Variants in BIRC7 observed in about 807,000 individuals in gnomAD.
The protein encoded by BIRC7 is baculoviral IAP repeat containing 7, also known as baculoviral IAP repeat-containing protein 7.
A neutral mutation model predicts 33.2 loss-of-function variants in BIRC7; 26 were observed. The observed-to-expected ratio is 0.78, with a 90% CI of 0.57 to 1.09. BIRC7 has a LOEUF of 1.09. Ranked by LOEUF, BIRC7 falls within the 50% of genes least tolerant of loss-of-function variation. The probability of loss-of-function intolerance (pLI) is 0.00; values close to 1 mark genes in which losing one functional copy is unlikely to be tolerated. For synonymous variants in BIRC7, 176 were observed against 171.0 expected, an observed-to-expected ratio of 1.03 and a Z score of -0.23; for missense variants, 409 against 401.2, an observed-to-expected ratio of 1.02 and a Z score of -0.17.
In BIRC7 at chr20:63,236,039, A is replaced by G. The variant is rs747161390; in HGVS notation, c.-58A>G. On this transcript the variant is annotated 5_prime_UTR_variant, in exon 1 of 7. Transcript: ENST00000217169. Reference sequence around the variant, plus strand: ...AGAAGGGCCAGCTGGGCATATTCTGAGATTGGCCATCAGCCCCCATTTCTG... The same window carrying G: ...AGAAGGGCCAGCTGGGCATATTCTGGGATTGGCCATCAGCCCCCATTTCTG... The G allele has an allele frequency of 1.0e-5, 15 of 1,468,750 alleles. 1 individual carries two copies. The South Asian group carries it at 2.1e-4, about 20-fold the overall frequency. The allele number at this position is 1,468,750 out of a possible 1,614,324, so 91.0% of individuals were successfully genotyped here.
At chr20:63,238,742 G>T (rs754550586) in intron 4 of BIRC7, 128 bp downstream of exon 4, 6 of 1,352,536 alleles carry the variant, frequency 4.4e-6, no homozygotes, top group Middle Eastern at 3.7e-4. Flanking sequence ...GTGTGACGCT[G>T]CTGCCTGGGT....
Position 63,238,381 on chromosome 20 carries a change from C to T in BIRC7, c.450-15C>T, listed in dbSNP as rs765252456. 309 of 1,611,264 alleles carry T rather than the reference C, an allele frequency of 1.9e-4. No individual in the cohort carries two copies. The highest frequency in any genetic ancestry group is 2.5e-4 in the Non-Finnish European group (300 of 1,179,888). On this transcript the variant is annotated splice_polypyrimidine_tract_variant and intron_variant, in intron 2 of 6. Transcript: ENST00000217169. ...GGGCCCTGAACCCCAACCTACATCT[C>T]TGGGGCATCTGCAGCTGTCAGTTCC...
chr20:63,239,732 C>A, intron 6 of BIRC7, 122 bp downstream of exon 6: 1 of 1,328,012 alleles, frequency 7.5e-7, no homozygotes, highest in Non-Finnish European at 1.0e-6. Flanking sequence ...TTGTTTTTAC[C>A]CGGCTCCCAG....
At chr20:63,238,112 G>A in intron 2 of BIRC7, 110 bp downstream of exon 2, 1 of 1,091,228 alleles carries the variant, frequency 9.2e-7, no homozygotes, top group African/African-American at 1.6e-5. Context: ...GCCCCACAGG[G>A]CACTGGGGAG....
Position 63,236,003 on chromosome 20 carries a change from T to G in BIRC7, c.-94T>G. ...CTGTCCCCAGGGTGGGCCCCGGGGGTCAGGAGCTCCAGAAGGGCCAGCTGG... is the reference window on the plus strand; with the variant it reads ...CTGTCCCCAGGGTGGGCCCCGGGGGGCAGGAGCTCCAGAAGGGCCAGCTGG... On this transcript the variant is annotated 5_prime_UTR_variant, in exon 1 of 7. Transcript: ENST00000217169. 1 of 1,420,884 alleles carries G rather than the reference T, an allele frequency of 7.0e-7. No individual in the cohort carries two copies. The highest frequency in any genetic ancestry group is 9.4e-7 in the Non-Finnish European group (1 of 1,068,916). The allele number at this position is 1,420,884 out of a possible 1,614,324, so 88.0% of individuals were successfully genotyped here.
Position 63,236,224 on chromosome 20 carries a change from A to T in BIRC7, c.128A>T (p.Asp43Val), listed in dbSNP as rs1297712817. 8.8e-6 allele frequency: 14 copies of T among 1,592,004 alleles called. No homozygotes were observed. Among genetic ancestry groups the T allele is most frequent in the Non-Finnish European group, 4.3e-6 (5 of 1,168,714 alleles). ...CTGGGCAGCCCTGTCCTAGGCCTGG[A>T]CACCTGCAGAGCCTGGGACCACGTG... ...RSLGSPVLGLDTCRAWDHVDG... is the reference protein window; with the variant it reads ...RSLGSPVLGLVTCRAWDHVDG... The change falls in exon 1 of 7, where the codon GAC becomes GTC. Residue 43 changes from aspartate (D) to valine (V), a missense_variant. Transcript: ENST00000217169.
At position 63,236,134 on chromosome 20, in the gene BIRC7, G is replaced by A; in HGVS notation, c.38G>A (p.Gly13Glu). Residue 13 changes from glycine (G) to glutamate (E), a missense_variant, in exon 1 of 7, where the codon GGA becomes GAA. Transcript: ENST00000217169. The part of the protein sequence containing the change: ...PKDSAKCLHR[G>E]PQPSHWAAGD... ...GACAGTGCCAAGTGCCTGCACCGTG[G>A]ACCACAGCCGAGCCACTGGGCAGCC... 1.3e-6 allele frequency: 2 copies of A among 1,579,114 alleles called. No individual in the cohort carries two copies. Among genetic ancestry groups the A allele is most frequent in the Non-Finnish European group, 1.7e-6 (2 of 1,161,812 alleles).
intron 4 of BIRC7, chr20:63,238,845 C>T (rs2066709576): frequency 4.6e-6 from 3 of 654,738 alleles, no homozygotes; most frequent in Non-Finnish European, 7.8e-6. Flanking sequence ...TCCCAGCTTA[C>T]CCCTTGGGCA....
Position 63,239,003 on chromosome 20 carries a change from T to C in BIRC7, c.578-159T>C, listed in dbSNP as rs531953567. ...TCCAGGAAGCCTCTGGATCCTGTTATGCTGTGGGAGGGGTGGGAAGAAGTG... is the reference window on the plus strand; with the variant it reads ...TCCAGGAAGCCTCTGGATCCTGTTACGCTGTGGGAGGGGTGGGAAGAAGTG... On this transcript the variant is annotated intron_variant, in intron 4 of 6. Transcript: ENST00000217169. Among the ~76,000 whole-genome samples, 105 of 152,250 alleles carry C rather than the reference T, an allele frequency of 6.9e-4. No individual in the cohort carries two copies. In the Middle Eastern group the frequency reaches 0.014, roughly 20 times the overall value.
At position 63,235,940 on chromosome 20, in the gene BIRC7, T is replaced by A; in HGVS notation, c.-157T>A. On this transcript the variant is annotated 5_prime_UTR_variant, in exon 1 of 7. Coordinates refer to ENST00000217169, the MANE Select transcript of BIRC7 (RefSeq NM_139317.3). ...AGCTGTGGGCCCTGGGATACTCCCC[T>A]CCCAGGGTGTCTGGTGGCAGGCCTG... The A allele has an allele frequency of 1.1e-6, 1 of 943,046 alleles. No homozygotes were observed. The highest frequency in any genetic ancestry group is 1.5e-6 in the Non-Finnish European group (1 of 660,820). 58.4% of individuals were successfully genotyped at this position (943,046 alleles called of 1,614,324 possible). A position where few individuals can be genotyped will look rare whatever the true frequency, so the allele number is the denominator to read the frequency against.
At chr20:63,236,515 C>T in intron 1 of BIRC7, 70 bp downstream of exon 1, 2 of 1,472,806 alleles carry the variant, frequency 1.4e-6, no homozygotes, top group Non-Finnish European at 1.8e-6. Flanking sequence ...CAGCCCAGGG[C>T]TCTGCCTCCT....
intron 4 of BIRC7, chr20:63,238,835 T>C: frequency 1.5e-6 from 1 of 666,012 alleles, no homozygotes; most frequent in African/African-American, 1.8e-5. Flanking sequence ...TCTGCTTCTC[T>C]CCCAGCTTAC....
Position 63,239,429 on chromosome 20 carries a change from G to T in BIRC7, c.721G>T (p.Ala241Ser). 6.2e-7 allele frequency: 1 copy of T among 1,606,498 alleles called. No individual in the cohort carries two copies. ...LEPPGARDVEAQLRRLQEERT... is the reference protein window; with the variant it reads ...LEPPGARDVESQLRRLQEERT... Reference sequence around the variant, plus strand: ...GCCCCCAGGAGCCAGGGATGTGGAGGCGCAGCTGCGGCGGCTGCAGGAGGA... The same window carrying T: ...GCCCCCAGGAGCCAGGGATGTGGAGTCGCAGCTGCGGCGGCTGCAGGAGGA... Residue 241 changes from alanine (A) to serine (S), a missense_variant, in exon 6 of 7, where the codon GCG (alanine) becomes TCG (serine). By Grantham distance (99) the Ala-to-Ser change is moderately conservative. Coordinates refer to ENST00000217169, the MANE Select transcript of BIRC7 (RefSeq NM_139317.3).
chr20:63,239,567 GC>G lies in BIRC7; in HGVS notation c.864del (p.Val289SerfsTer74). ...PGLQLCPICRAPVRSRVRTFL... is the reference protein window; with the variant it reads ...PGLQLCPICRXPVRSRVRTFL... ...CCTGCAGCTGTGCCCCATCTGCAGA[GC>G]CCCCGTCCGCAGCCGCGTGCGCACC... On this transcript the variant is annotated frameshift_variant, in exon 6 of 7. Transcript: ENST00000217169. LOFTEE classifies it low-confidence loss of function (END_TRUNC). 3 of 1,601,320 alleles carry G rather than the reference GC, an allele frequency of 1.9e-6. No homozygotes were observed. Among genetic ancestry groups the G allele is most frequent in the Non-Finnish European group, 1.7e-6 (2 of 1,179,430 alleles).
At chr20:63,239,651 AG>A in intron 6 of BIRC7, 41 bp downstream of exon 6, 1 of 1,555,426 alleles carries the variant, frequency 6.4e-7, no homozygotes, top group Non-Finnish European at 8.7e-7. Context: ...CCTCCTGCGG[AG>A]GGGGCCCTGA....
At chr20:63,236,694 C>G (rs1322509746) in intron 1 of BIRC7, among the ~76,000 whole-genome samples, 1 of 152,214 alleles carries the variant, frequency 6.6e-6, no homozygotes, top group Non-Finnish European at 1.5e-5. Context: ...TGGCCACAGT[C>G]TGAGGGTCTC....
rs1018522639 is a variant in BIRC7 at position 63,239,676 on chromosome 20, G to A, written c.*5+66G>A. ...AGGGGGCCCTGAGCCGGCTGTGCCC[G>A]GCCCTCCTGAACCCATGCAGGCCCT... On this transcript the variant is annotated intron_variant, in intron 6 of 6. Coordinates refer to ENST00000217169, the MANE Select transcript of BIRC7 (RefSeq NM_139317.3). 2.6e-5 allele frequency: 39 copies of A among 1,512,010 alleles called. 1 individual carries two copies. Among genetic ancestry groups the A allele is most frequent in the African/African-American group, 2.1e-4 (15 of 72,550 alleles). The allele number at this position is 1,512,010 out of a possible 1,614,324, so 93.7% of individuals were successfully genotyped here.
Position 63,236,412 on chromosome 20 carries a change from G to C in BIRC7, c.316G>C (p.Glu106Gln), listed in dbSNP as rs754589649. 6.5e-7 allele frequency: 1 copy of C among 1,549,980 alleles called. No individual in the cohort carries two copies. Among genetic ancestry groups the C allele is most frequent in the South Asian group, 1.2e-5 (1 of 81,710 alleles). The part of the protein sequence containing the change: ...DWPLTAEVPP[E>Q]LLAAAGFFHT... Reference sequence around the variant, plus strand: ...GCCGCTGACTGCTGAGGTGCCACCCGAGCTGCTGGCTGCTGCCGGCTTCTT... The same window carrying C: ...GCCGCTGACTGCTGAGGTGCCACCCCAGCTGCTGGCTGCTGCCGGCTTCTT... Residue 106 changes from glutamate to glutamine, a missense_variant, in exon 1 of 7, where the codon GAG becomes CAG. Coordinates refer to ENST00000217169, the MANE Select transcript of BIRC7 (RefSeq NM_139317.3).
chr20:63,236,817 G>A (rs895131978), intron 1 of BIRC7, among the ~76,000 whole-genome samples: 2 of 152,240 alleles, frequency 1.3e-5, no homozygotes, highest in African/African-American at 4.8e-5. Context: ...ACAGGGAGAG[G>A]AGATGTTTAA....
Sources: gnomAD v4.1 joint callset for allele counts (sites outside exome capture counted in the v4.1 genomes callset) on GRCh38, gnomAD v4.1.1 for gene constraint, MANE v1.5 for transcripts, NCBI Gene and HGNC (gene_info 2026-07-23, HGNC 2026-07-21) for gene names.